The following FGF12 variants were observed in gnomAD, a reference collection of about 807,000 sequenced individuals.
FGF12 encodes the protein fibroblast growth factor 12.
Under a neutral mutation model 23.6 loss-of-function variants are expected in FGF12, and 14 were observed. That is an observed-to-expected ratio of 0.59 (90% CI 0.39 to 0.93). FGF12 has a LOEUF of 0.93. Ranked by LOEUF, FGF12 falls within the 40% of genes least tolerant of loss-of-function variation. FGF12 has a pLI of 0.00. For missense variants in FGF12, 175 were observed against 217.8 expected (o/e 0.80, Z 1.24); for synonymous variants, 62 against 77.3 (o/e 0.80, Z 1.04).
intron 2 of FGF12, among the ~76,000 whole-genome samples, chr3:192,436,898 G>C (rs939533600): frequency 2.0e-5 from 3 of 152,192 alleles, no homozygotes; most frequent in African/African-American, 4.8e-5. Flanking sequence ...GGGAAGATAT[G>C]AAAGGACACA....
At chr3:192,517,285 T>C (rs1724696705) in intron 2 of FGF12, among the ~76,000 whole-genome samples, 1 of 152,232 alleles carries the variant, frequency 6.6e-6, no homozygotes, top group African/African-American at 2.4e-5. Flanking sequence ...AAGATTTTAA[T>C]TATCTTTGCA....
chr3:192,407,022 A>G (rs1720981295), intron 2 of FGF12, among the ~76,000 whole-genome samples: 1 of 152,214 alleles, frequency 6.6e-6, no homozygotes, highest in African/African-American at 2.4e-5. Flanking sequence ...ACAACCCAGA[A>G]AACCAACAGT....
chr3:192,635,841 C>T (rs572393797), intron 2 of FGF12, among the ~76,000 whole-genome samples: 2 of 152,242 alleles, frequency 1.3e-5, no homozygotes, highest in Non-Finnish European at 2.9e-5. Flanking sequence ...AACTGATTCT[C>T]TTTTAATTGA....
rs1715284512 is a variant in FGF12 at position 192,167,762 on chromosome 3, T to TAC, written c.427+2695_427+2696insGT. On this transcript the variant is annotated intron_variant, in intron 5 of 5. Transcript: ENST00000445105. ...ATATATATATATATATATATATATA[T>TAC]ATATATAAAATTTTTTTTTTTTTTT... is the stretch of plus-strand genomic sequence containing the variant. Among the ~76,000 whole-genome samples the TAC allele has an allele frequency of 7.9e-5, 3 of 38,154 alleles. 1 individual carries two copies. Among genetic ancestry groups the TAC allele is most frequent in the Non-Finnish European group, 1.5e-4 (3 of 19,490 alleles). 25.0% of individuals were successfully genotyped at this position (38,154 alleles called of 152,430 possible).
intron 4 of FGF12, among the ~76,000 whole-genome samples, chr3:192,249,132 T>A (rs1442185921): frequency 6.6e-6 from 1 of 152,168 alleles, no homozygotes; most frequent in Non-Finnish European, 1.5e-5. Context: ...TATTATAATA[T>A]TAATCACAAG....
At chr3:192,560,777 T>C (rs964579215) in intron 2 of FGF12, among the ~76,000 whole-genome samples, 1 of 152,194 alleles carries the variant, frequency 6.6e-6, no homozygotes, top group African/African-American at 2.4e-5. Context: ...TTTAACAAAC[T>C]CTTTCCTAAA....
rs1396859259 is a variant in FGF12, at chr3:192,538,190, C to T, written c.14-177652G>A. Among the ~76,000 whole-genome samples, 6 of 152,108 alleles carry T rather than the reference C, an allele frequency of 3.9e-5. 1 individual carries two copies. The highest frequency in any genetic ancestry group is 6.8e-3 in the Middle Eastern group (2 of 294). On this transcript the variant is annotated intron_variant, in intron 2 of 5. Coordinates refer to ENST00000445105, the MANE Select transcript of FGF12 (RefSeq NM_004113.6). ...CTCAAACTCCTGACCTCAGGTGATC[C>T]GCCCGCCTCGGCCTCCCAAAGCGCT...
intron 2 of FGF12, among the ~76,000 whole-genome samples, chr3:192,452,160 A>G (rs1173867868): frequency 2.6e-5 from 4 of 152,164 alleles, no homozygotes; most frequent in African/African-American, 9.7e-5. Context: ...TTTCTATCAA[A>G]TTGAGAAAGA....
At chr3:192,192,104 T>C (rs1344053633) in intron 4 of FGF12, among the ~76,000 whole-genome samples, 3 of 152,190 alleles carry the variant, frequency 2.0e-5, no homozygotes, top group Admixed American at 6.5e-5. Flanking sequence ...TTCAATCTCA[T>C]TGGATCCAAA....
chr3:192,416,473 A>C (rs1193756067), intron 2 of FGF12, among the ~76,000 whole-genome samples: 1 of 152,152 alleles, frequency 6.6e-6, no homozygotes, highest in East Asian at 1.9e-4. Context: ...AAATTATGGC[A>C]CTGATTTGTG....
chr3:192,276,704 G>A (rs1247165974), intron 4 of FGF12, among the ~76,000 whole-genome samples: 1 of 152,034 alleles, frequency 6.6e-6, no homozygotes, highest in Non-Finnish European at 1.5e-5. Flanking sequence ...TTTCCCTGAA[G>A]CCAGCCAAAA....
chr3:192,715,977 G>A (rs1268031098), intron 2 of FGF12, among the ~76,000 whole-genome samples: 3 of 152,204 alleles, frequency 2.0e-5, no homozygotes, highest in Non-Finnish European at 4.4e-5. Flanking sequence ...ATTCCCTCAT[G>A]AGAATGCTAT....
chr3:192,285,715 CTA>C (rs945853989), intron 4 of FGF12, among the ~76,000 whole-genome samples: 15 of 151,934 alleles, frequency 9.9e-5, no homozygotes, highest in Non-Finnish European at 2.1e-4. Context: ...TTAGGTCAAA[CTA>C]AAATTATTTT....
At chr3:192,655,429 T>C (rs371010025) in intron 2 of FGF12, among the ~76,000 whole-genome samples, 1 of 152,128 alleles carries the variant, frequency 6.6e-6, no homozygotes, top group Non-Finnish European at 1.5e-5. Context: ...CTTTAGACCA[T>C]GACTTGACCT....
At chr3:192,594,555 C>T (rs1429038169) in intron 2 of FGF12, among the ~76,000 whole-genome samples, 1 of 151,936 alleles carries the variant, frequency 6.6e-6, no homozygotes, top group East Asian at 1.9e-4. Flanking sequence ...GTGTTGGAAA[C>T]GTAATCCCCA....
intron 2 of FGF12, among the ~76,000 whole-genome samples, chr3:192,518,412 G>A (rs1422241535): frequency 2.0e-5 from 3 of 151,944 alleles, no homozygotes; most frequent in Non-Finnish European, 4.4e-5. Context: ...ATTGTGTAAG[G>A]GAGTTTTGAG....
chr3:192,717,043 G>A, intron 2 of FGF12, among the ~76,000 whole-genome samples: 1 of 152,194 alleles, frequency 6.6e-6, no homozygotes, highest in East Asian at 1.9e-4. Flanking sequence ...CAGGCAGGAA[G>A]GCCCAGTGAT....
chr3:192,641,608 G>A lies in FGF12; in HGVS notation c.13+85573C>T, dbSNP rs534401296. On this transcript the variant is annotated intron_variant, in intron 2 of 5. Coordinates refer to ENST00000445105, the MANE Select transcript of FGF12 (RefSeq NM_004113.6). Reference sequence around the variant, plus strand: ...TTTAGTAGAGACGGGGTTTCTCCACGTTGGTCAGGCTGGTCTTGAACTCCC... The same window carrying A: ...TTTAGTAGAGACGGGGTTTCTCCACATTGGTCAGGCTGGTCTTGAACTCCC... 3.3e-5 allele frequency among the ~76,000 whole-genome samples: 5 copies of A among 151,240 alleles called. No homozygotes were observed. In the East Asian group the frequency reaches 7.8e-4, roughly 24 times the overall value.
chr3:192,687,114 T>C (rs1317603855), intron 2 of FGF12, among the ~76,000 whole-genome samples: 38 of 148,842 alleles, frequency 2.6e-4, no homozygotes, highest in Admixed American at 4.7e-4. Flanking sequence ...CAGGTGTGAG[T>C]CACCGTGCCC....
Sources: gnomAD v4.1 joint callset for allele counts (sites outside exome capture counted in the v4.1 genomes callset) on GRCh38, gnomAD v4.1.1 for gene constraint, MANE v1.5 for transcripts, NCBI Gene and HGNC (gene_info 2026-07-23, HGNC 2026-07-21) for gene names.